Variants in KCNJ6 observed in about 807,000 individuals in gnomAD.
KCNJ6 encodes potassium inwardly rectifying channel subfamily J member 6.
In KCNJ6, 9 loss-of-function variants were observed where a neutral mutation model predicts 34.2. The ratio of observed to expected loss-of-function variants is 0.26; its 90% confidence interval spans 0.16 to 0.46. The LOEUF is 0.46. Ranked by LOEUF, KCNJ6 falls within the 20% of genes least tolerant of loss-of-function variation. The pLI is 1.00. For missense variants in KCNJ6, 236 were observed against 531.3 expected (o/e 0.44, Z 5.46); for synonymous variants, 196 against 207.1 (o/e 0.95, Z 0.46).
chr21:37,781,408 A>G (rs796978548), intron 2 of KCNJ6, among the ~76,000 whole-genome samples: 4 of 152,324 alleles, frequency 2.6e-5, no homozygotes, highest in African/African-American at 9.6e-5. Flanking sequence ...TGCATTTTGC[A>G]TTCTTGACAC....
chr21:37,647,206 T>C (rs1371133228), intron 3 of KCNJ6, among the ~76,000 whole-genome samples: 1 of 152,210 alleles, frequency 6.6e-6, no homozygotes, highest in Non-Finnish European at 1.5e-5. Context: ...ATCCTTATTA[T>C]AACTTGAAGG....
rs116259326 is a variant in KCNJ6 at position 37,692,017 on chromosome 21, T to C, written c.946+22194A>G. Among the ~76,000 whole-genome samples, 443 of 152,302 alleles carry C rather than the reference T, an allele frequency of 2.9e-3. 5 individuals carry two copies. The highest frequency in any genetic ancestry group is 0.01 in the African/African-American group (419 of 41,572). ...GATGTCGTGGCATTCCAGCACTTAG[T>C]CATTTGGGGTTTGAGGCAGTGGAAT... On this transcript the variant is annotated intron_variant, in intron 3 of 3. Transcript: ENST00000609713.
chr21:37,833,732 T>C (rs894109657), intron 2 of KCNJ6, among the ~76,000 whole-genome samples: 2 of 152,150 alleles, frequency 1.3e-5, no homozygotes, highest in African/African-American at 4.8e-5. Flanking sequence ...TAACTTAGCC[T>C]CATGCCACTG....
intron 2 of KCNJ6, among the ~76,000 whole-genome samples, chr21:37,735,593 A>G (rs1199851201): frequency 2.6e-5 from 4 of 152,150 alleles, no homozygotes; most frequent in Admixed American, 6.5e-5. Context: ...ATTGGGCTCC[A>G]CCCCATAGAC....
At chr21:37,844,755 C>T (rs1431363582) in intron 1 of KCNJ6, among the ~76,000 whole-genome samples, 2 of 152,186 alleles carry the variant, frequency 1.3e-5, no homozygotes, top group Non-Finnish European at 2.9e-5. Flanking sequence ...ACCAACCAGT[C>T]TCTGCTGGCT....
intron 1 of KCNJ6, among the ~76,000 whole-genome samples, chr21:37,849,516 G>A (rs2055527087): frequency 6.6e-6 from 1 of 152,070 alleles, no homozygotes; most frequent in Admixed American, 6.6e-5. Context: ...CAAGTTCTAA[G>A]CAAACTGAGT....
chr21:37,791,653 G>A (rs757145528), intron 2 of KCNJ6, among the ~76,000 whole-genome samples: 1 of 152,162 alleles, frequency 6.6e-6, no homozygotes, highest in African/African-American at 2.4e-5. Context: ...TTTTCTTGAC[G>A]GGAGATTTTA....
chr21:37,711,809 A>G, intron 3 of KCNJ6, among the ~76,000 whole-genome samples: 1 of 125,228 alleles, frequency 8.0e-6, no homozygotes, highest in East Asian at 2.4e-4. Flanking sequence ...CCCCCCCCCA[A>G]GTCTAGAAAT....
chr21:37,610,241 G>A lies in KCNJ6; in HGVS notation c.*14918C>T, dbSNP rs1326545579. On this transcript the variant is annotated 3_prime_UTR_variant, in exon 4 of 4. Transcript: ENST00000609713. ...AAAGCAGAGACTATGGGGTTCAAAT[G>A]TTTGTTGAAAAAGATGAGGAAACTA... 2 of 152,272 alleles carry A rather than the reference G, an allele frequency of 1.3e-5. No homozygotes were observed. The highest frequency in any genetic ancestry group is 2.1e-4 in the South Asian group (1 of 4,816). The allele number at this position is 152,272 out of a possible 1,614,324, so 9.4% of individuals were successfully genotyped here.
chr21:37,878,645 T>C (rs547361754), intron 1 of KCNJ6, among the ~76,000 whole-genome samples: 273 of 152,378 alleles, frequency 1.8e-3, no homozygotes, highest in South Asian at 9.9e-3. Flanking sequence ...GCTCCAAGCA[T>C]GCGCTTCTTT....
chr21:37,852,099 C>T (rs1378316161), intron 1 of KCNJ6, among the ~76,000 whole-genome samples: 1 of 152,176 alleles, frequency 6.6e-6, no homozygotes, highest in East Asian at 1.9e-4. Context: ...ACAGCAATTC[C>T]ACCTGGAAAG....
chr21:37,674,514 A>T (rs367919460), intron 3 of KCNJ6, among the ~76,000 whole-genome samples: 1 of 536 alleles, frequency 1.9e-3, no homozygotes, highest in East Asian at 0.062. Flanking sequence ...CTCCTCACCC[A>T]CTGGCTCCGC....
intron 1 of KCNJ6, among the ~76,000 whole-genome samples, chr21:37,906,275 T>A (rs970537346): frequency 6.6e-6 from 1 of 152,342 alleles, no homozygotes; most frequent in East Asian, 1.9e-4. Flanking sequence ...CCCTAGACAC[T>A]GAGTCCAGGT....
chr21:37,630,279 C>G (rs1243481450), intron 3 of KCNJ6, among the ~76,000 whole-genome samples: 1 of 152,116 alleles, frequency 6.6e-6, no homozygotes, highest in East Asian at 1.9e-4. Context: ...ACGTGGAAAA[C>G]CTGATCTTGA....
chr21:37,810,981 C>G (rs191139352), intron 2 of KCNJ6, among the ~76,000 whole-genome samples: 3 of 152,282 alleles, frequency 2.0e-5, no homozygotes, highest in Non-Finnish European at 4.4e-5. Context: ...AACTGATCAT[C>G]AGAGAGATCA....
chr21:37,912,099 T>C (rs2055869548), intron 1 of KCNJ6, among the ~76,000 whole-genome samples: 1 of 152,158 alleles, frequency 6.6e-6, no homozygotes, highest in Admixed American at 6.5e-5. Flanking sequence ...GTTTAGGCAA[T>C]ATCTAGATGA....
At chr21:37,747,140 G>T (rs536355054) in intron 2 of KCNJ6, among the ~76,000 whole-genome samples, 32 of 152,340 alleles carry the variant, frequency 2.1e-4, no homozygotes, top group Non-Finnish European at 3.7e-4. Flanking sequence ...AAGACGCCCT[G>T]CCAGGGTTCA....
chr21:37,760,956 G>A (rs192960926), intron 2 of KCNJ6, among the ~76,000 whole-genome samples: 6 of 152,298 alleles, frequency 3.9e-5, no homozygotes, highest in Admixed American at 3.9e-4. Flanking sequence ...GGCACATGTG[G>A]ATGAGACAAA....
intron 3 of KCNJ6, among the ~76,000 whole-genome samples, chr21:37,682,979 C>T (rs1028821268): frequency 3.3e-5 from 5 of 152,304 alleles, no homozygotes; most frequent in African/African-American, 4.8e-5. Context: ...AGTGGGGAAC[C>T]GCGCTTCGGC....
Sources: gnomAD v4.1 joint callset for allele counts (sites outside exome capture counted in the v4.1 genomes callset) on GRCh38, gnomAD v4.1.1 for gene constraint, MANE v1.5 for transcripts, NCBI Gene and HGNC (gene_info 2026-07-23, HGNC 2026-07-21) for gene names.